Variants in RNF220 observed in about 807,000 individuals in gnomAD.
RNF220 encodes ring finger protein 220, also known as E3 ubiquitin-protein ligase RNF220.
Under a neutral mutation model 67.1 loss-of-function variants are expected in RNF220, and 7 were observed. That is an observed-to-expected ratio of 0.10 (90% CI 0.06 to 0.20). The LOEUF (loss-of-function observed/expected upper bound fraction) is 0.20. RNF220 is among the 10% of genes least tolerant of loss of function. RNF220 has a pLI of 1.00. For missense variants in RNF220, 565 were observed against 740.3 expected (o/e 0.76, Z 2.75); for synonymous variants, 270 against 283.2 (o/e 0.95, Z 0.47).
intron 8 of RNF220, among the ~76,000 whole-genome samples, chr1:44,642,129 C>T (rs1256400030): frequency 3.3e-5 from 5 of 152,202 alleles, no homozygotes; most frequent in Non-Finnish European, 5.9e-5. Flanking sequence ...AACTTGGGAC[C>T]CTTGCAGCTT....
intron 2 of RNF220, among the ~76,000 whole-genome samples, chr1:44,577,703 C>T (rs146986113): frequency 1.3e-5 from 2 of 152,362 alleles, no homozygotes. Flanking sequence ...CAATGGCTCA[C>T]GCCTATAATC....
chr1:44,481,577 A>G (rs1226452786), intron 2 of RNF220, among the ~76,000 whole-genome samples: 1 of 152,160 alleles, frequency 6.6e-6, no homozygotes, highest in Non-Finnish European at 1.5e-5. Flanking sequence ...AGGATGGGTC[A>G]ATAGGAGCAG....
chr1:44,645,707 G>A lies in RNF220; in HGVS notation c.1445+219G>A, dbSNP rs1286867029. ...GGCCCCAGAAGCCTTGGCGGTGGGA[G>A]GAGCAGTCCACCCGCCTGCCTGCCT... On this transcript the variant is annotated intron_variant, in intron 12 of 14. Coordinates refer to ENST00000361799, the MANE Select transcript of RNF220 (RefSeq NM_018150.4). This position sits in a 1 kb window ranked among gnomAD's most constrained non-coding sequence, Gnocchi z 5.0. 3.3e-5 allele frequency among the ~76,000 whole-genome samples: 5 copies of A among 152,340 alleles called. No individual in the cohort carries two copies. The highest frequency in any genetic ancestry group is 7.2e-5 in the African/African-American group (3 of 41,592).
chr1:44,637,650 T>C (rs1301927511), intron 8 of RNF220, among the ~76,000 whole-genome samples: 1 of 152,254 alleles, frequency 6.6e-6, no homozygotes, highest in Non-Finnish European at 1.5e-5. Flanking sequence ...AAGGGCCTGC[T>C]GATTTGACAA....
At chr1:44,444,141 C>T (rs1374079675) in intron 2 of RNF220, among the ~76,000 whole-genome samples, 1 of 152,052 alleles carries the variant, frequency 6.6e-6, no homozygotes, top group East Asian at 1.9e-4. Flanking sequence ...GTGAGAAGCC[C>T]CTTGTATGTT....
intron 2 of RNF220, among the ~76,000 whole-genome samples, chr1:44,530,858 G>A (rs1475177293): frequency 6.6e-6 from 1 of 152,132 alleles, no homozygotes; most frequent in Non-Finnish European, 1.5e-5. Context: ...AGCTATTTGG[G>A]AAGCTGAGGC....
At chr1:44,406,979 A>C (rs1165071955) in intron 1 of RNF220, among the ~76,000 whole-genome samples, 1 of 152,054 alleles carries the variant, frequency 6.6e-6, no homozygotes, top group Non-Finnish European at 1.5e-5. Flanking sequence ...GCAGGGGGAA[A>C]GCTCTCGCTT....
chr1:44,636,385 A>G (rs1176622429), intron 8 of RNF220: 1 of 742,282 alleles, frequency 1.3e-6, no homozygotes, highest in South Asian at 1.5e-5. Flanking sequence ...TGAGGCTGCA[A>G]GCTAGGAGTG....
intron 2 of RNF220, among the ~76,000 whole-genome samples, chr1:44,477,322 T>C (rs1655386024): frequency 1.3e-5 from 2 of 152,220 alleles, no homozygotes; most frequent in Admixed American, 1.3e-4. Context: ...TAGAATTATT[T>C]ATTGTTACAA....
intron 2 of RNF220, among the ~76,000 whole-genome samples, chr1:44,422,248 G>A (rs1251976530): frequency 2.6e-5 from 4 of 152,198 alleles, no homozygotes; most frequent in Non-Finnish European, 5.9e-5. Context: ...CGCTGGAGTG[G>A]TAAGGGCAGT....
chr1:44,509,211 C>T (rs1157512961), intron 2 of RNF220, among the ~76,000 whole-genome samples: 2 of 152,148 alleles, frequency 1.3e-5, no homozygotes, highest in Non-Finnish European at 1.5e-5. Context: ...TGGGTTTTCA[C>T]CAGTCCTGGT....
At chr1:44,638,218 A>T (rs1573157957) in intron 8 of RNF220, 1 of 152,216 alleles carries the variant, frequency 6.6e-6, no homozygotes. Context: ...AGTGCAGCGC[A>T]TTGATCGCCC....
rs764962558 is a variant in RNF220, at chr1:44,412,514, C to T, written c.417C>T (p.Ala139=). Residue 139 remains alanine, a synonymous_variant, in exon 2 of 15, where the codon GCC becomes GCT. Coordinates refer to ENST00000361799, the MANE Select transcript of RNF220 (RefSeq NM_018150.4). This position sits in a 1 kb window ranked among gnomAD's most constrained non-coding sequence, Gnocchi z 5.3. Reference sequence around the variant, plus strand: ...GCTATCAGTCAGCCTTTACGCCGGCCAAGCGACTTAAGAACTGCCATGACA... The same window carrying T: ...GCTATCAGTCAGCCTTTACGCCGGCTAAGCGACTTAAGAACTGCCATGACA... The part of the protein sequence containing the change: ...RESYQSAFTP[A]KRLKNCHDTE... The T allele has an allele frequency of 9.3e-6, 15 of 1,613,908 alleles. No homozygotes were observed. Among genetic ancestry groups the T allele is most frequent in the Non-Finnish European group, 1.3e-5 (15 of 1,179,814 alleles).
At chr1:44,632,419 C>CCCCGGCCTCCT (rs1557461225) in intron 6 of RNF220, 34 bp downstream of exon 6, 2 of 1,563,722 alleles carry the variant, frequency 1.3e-6, no homozygotes, top group Admixed American at 1.8e-5. Context: ...TCCGCCCCAC[C>CCCCGGCCTCCT]CCCGGCCTCC....
intron 2 of RNF220, among the ~76,000 whole-genome samples, chr1:44,545,210 G>A (rs1336090248): frequency 5.3e-5 from 8 of 152,338 alleles, no homozygotes; most frequent in South Asian, 2.1e-4. Flanking sequence ...AAGGGAACTC[G>A]GAGATGTGCA....
intron 2 of RNF220, among the ~76,000 whole-genome samples, chr1:44,437,796 A>G (rs1189291099): frequency 6.6e-6 from 1 of 152,114 alleles, no homozygotes; most frequent in Non-Finnish European, 1.5e-5. Flanking sequence ...CTTGCTTTCA[A>G]CCTCTCAAAA....
chr1:44,530,070 A>T (rs1660716642), intron 2 of RNF220, among the ~76,000 whole-genome samples: 2 of 151,986 alleles, frequency 1.3e-5, no homozygotes, highest in East Asian at 3.8e-4. Flanking sequence ...AAAAAAAATT[A>T]AAATTAAATA....
chr1:44,543,155 GCCAGC>G (rs1346637846), intron 2 of RNF220, among the ~76,000 whole-genome samples: 1 of 151,990 alleles, frequency 6.6e-6, no homozygotes, highest in Non-Finnish European at 1.5e-5. Context: ...ATGGTTCTGA[GCCAGC>G]CCATCCCCAG....
At chr1:44,508,299 G>GAA (rs1270028477) in intron 2 of RNF220, among the ~76,000 whole-genome samples, 1 of 152,050 alleles carries the variant, frequency 6.6e-6, no homozygotes, top group Non-Finnish European at 1.5e-5. Flanking sequence ...TGTAGAGAGA[G>GAA]GGTTTGCTAG....
Sources: gnomAD v4.1 joint callset for allele counts (sites outside exome capture counted in the v4.1 genomes callset) on GRCh38, gnomAD v4.1.1 for gene constraint, Gnocchi (gnomAD v3.1) non-coding constraint, MANE v1.5 for transcripts, NCBI Gene and HGNC (gene_info 2026-07-23, HGNC 2026-07-21) for gene names.